Variants in ATF7IP2 observed in about 807,000 individuals in gnomAD.
The protein encoded by ATF7IP2 is activating transcription factor 7 interacting protein 2.
In ATF7IP2, 42 loss-of-function variants were observed where a neutral mutation model predicts 64.2. The ratio of observed to expected loss-of-function variants is 0.65; its 90% CI spans 0.51 to 0.85. ATF7IP2 has a LOEUF of 0.85. Ranked by LOEUF, ATF7IP2 falls within the 40% of genes least tolerant of loss-of-function variation. ATF7IP2 has a pLI of 0.00. For missense variants in ATF7IP2, 933 were observed against 784.2 expected, an observed-to-expected ratio of 1.19 and a Z score of -2.27; for synonymous variants, 308 against 272.8, an observed-to-expected ratio of 1.13 and a Z score of -1.27.
Position 10,440,375 on chromosome 16 carries a change from A to G in ATF7IP2, c.1107A>G (p.Ala369=), listed in dbSNP as rs952803435. The G allele has an allele frequency of 1.3e-6, 2 of 1,542,412 alleles. No individual in the cohort carries two copies. The highest frequency in any genetic ancestry group is 4.6e-5 in the Admixed American group (2 of 43,694). Residue 369 remains alanine (A), a synonymous_variant, in exon 8 of 14, where the codon GCA becomes GCG. Transcript: ENST00000562102. The stretch of plus-strand genomic sequence containing the variant: ...TCTTTTTCTTCTAGGCAAAAATAGC[A>G]AAACTTCAAAGACGTATTAAAACAG... The part of the protein sequence containing the change: ...GIADKLLAKI[A]KLQRRIKTVL...
intron 12 of ATF7IP2, among the ~76,000 whole-genome samples, chr16:10,474,829 A>G (rs1353718715): frequency 1.3e-5 from 2 of 152,250 alleles, no homozygotes; most frequent in African/African-American, 4.8e-5. Context: ...GGCTAGAACA[A>G]TGCAAGCCAA....
At chr16:10,436,854 G>T (rs1013301527) in intron 6 of ATF7IP2, among the ~76,000 whole-genome samples, 2 of 151,994 alleles carry the variant, frequency 1.3e-5, no homozygotes, top group Non-Finnish European at 2.9e-5. Flanking sequence ...GCTCATATCA[G>T]TGGGCATTGA....
chr16:10,421,865 T>G (rs1243725625), intron 3 of ATF7IP2, among the ~76,000 whole-genome samples: 1 of 152,214 alleles, frequency 6.6e-6, no homozygotes, highest in South Asian at 2.1e-4. Context: ...GGCTGCAGGT[T>G]GTTTACCGCA....
chr16:10,439,426 G>A lies in ATF7IP2; in HGVS notation c.1096-938G>A, dbSNP rs572963820. 2.2e-3 allele frequency among the ~76,000 whole-genome samples: 336 copies of A among 151,858 alleles called. 2 individuals are homozygous for A. The highest frequency in any genetic ancestry group is 7.8e-3 in the African/African-American group (322 of 41,426). On this transcript the variant is annotated intron_variant, in intron 7 of 13. Transcript: ENST00000562102. ...AATTTTTTGTATTTTTAGTAGAGAC[G>A]GGTTTCACTGTATTAGCGTTGATGG...
intron 6 of ATF7IP2, among the ~76,000 whole-genome samples, chr16:10,437,521 A>G (rs2048462772): frequency 6.6e-6 from 1 of 152,214 alleles, no homozygotes; most frequent in South Asian, 2.1e-4. Flanking sequence ...ATGTTCCTAT[A>G]AAAATCCTTT....
chr16:10,432,809 C>T lies in ATF7IP2; in HGVS notation c.836-716C>T, dbSNP rs1356134306. Among the ~76,000 whole-genome samples the T allele has an allele frequency of 2.0e-5, 3 of 152,186 alleles. No individual in the cohort carries two copies. The East Asian group carries it at 5.8e-4, about 29-fold the overall frequency. On this transcript the variant is annotated intron_variant, in intron 5 of 13. Coordinates refer to ENST00000562102, the MANE Select transcript of ATF7IP2 (RefSeq NM_001393719.1). ...AGGAGAATTGCTTGAACCTGGGGGG[C>T]GGAAGTTGCACTGAGCCAAGATCGT...
intron 7 of ATF7IP2, among the ~76,000 whole-genome samples, chr16:10,439,049 CAAAAA>C (rs755392953): frequency 9.8e-6 from 1 of 102,432 alleles, no homozygotes; most frequent in African/African-American, 3.8e-5. Flanking sequence ...GACTCCATCT[CAAAAA>C]AAAAAAAAAA....
chr16:10,431,097 G>T lies in ATF7IP2; in HGVS notation c.477G>T (p.Glu159Asp), dbSNP rs76697507. 1 of 1,614,046 alleles carries T rather than the reference G, an allele frequency of 6.2e-7. No homozygotes were observed. The highest frequency in any genetic ancestry group is 1.7e-5 in the Admixed American group (1 of 60,018). Residue 159 changes from glutamate (E) to aspartate (D), a missense_variant, in exon 5 of 14, where the codon GAG becomes GAT. Physicochemically the swap from Glu to Asp is conservative, Grantham distance 45 (BLOSUM62 2). Transcript: ENST00000562102. ...TNVTRSLFEH[E>D]GACSLKSSCC... ...TAACAAGATCCCTTTTTGAGCATGA[G>T]GGGGCTTGTAGTCTAAAGTCCAGTT...
chr16:10,482,322 G>A lies in ATF7IP2; in HGVS notation c.*73G>A. ...TTGCAATGTTACTGTAATACTATTT[G>A]CCATTGTAAAAGGCCAGCTCAGATT... On this transcript the variant is annotated 3_prime_UTR_variant, in exon 14 of 14. Transcript: ENST00000562102. The A allele has an allele frequency of 8.1e-7, 1 of 1,231,438 alleles. No individual in the cohort carries two copies. The highest frequency in any genetic ancestry group is 1.5e-5 in the South Asian group (1 of 65,788). The allele number at this position is 1,231,438 out of a possible 1,614,324, so 76.3% of individuals were successfully genotyped here.
chr16:10,442,188 G>C (rs1026216896), intron 8 of ATF7IP2, among the ~76,000 whole-genome samples: 1 of 152,340 alleles, frequency 6.6e-6, no homozygotes, highest in East Asian at 1.9e-4. Flanking sequence ...AGGCATGCCT[G>C]GGTGTGTAAA....
At chr16:10,441,837 G>A (rs1415764113) in intron 8 of ATF7IP2, among the ~76,000 whole-genome samples, 1 of 152,148 alleles carries the variant, frequency 6.6e-6, no homozygotes, top group Non-Finnish European at 1.5e-5. Flanking sequence ...TGTCCTGTAT[G>A]TTATTGCCTA....
intron 9 of ATF7IP2, among the ~76,000 whole-genome samples, chr16:10,467,308 T>A (rs1026570765): frequency 6.6e-6 from 1 of 152,214 alleles, no homozygotes; most frequent in Admixed American, 6.5e-5. Context: ...TCTGCTCAGT[T>A]TCTTATACTC....
At chr16:10,455,229 T>A (rs1397860539) in intron 8 of ATF7IP2, among the ~76,000 whole-genome samples, 1 of 152,192 alleles carries the variant, frequency 6.6e-6, no homozygotes, top group Non-Finnish European at 1.5e-5. Flanking sequence ...AGATGATGGG[T>A]AGTTAATCCT....
intron 8 of ATF7IP2, among the ~76,000 whole-genome samples, chr16:10,441,109 C>T (rs771489230): frequency 6.6e-6 from 1 of 152,232 alleles, no homozygotes; most frequent in African/African-American, 2.4e-5. Context: ...CATAGTATTC[C>T]ATGGTGTATA....
rs532409624 is a variant in ATF7IP2, at chr16:10,445,009, G to A, written c.1194+4547G>A. On this transcript the variant is annotated intron_variant, in intron 8 of 13. Coordinates refer to ENST00000562102, the MANE Select transcript of ATF7IP2 (RefSeq NM_001393719.1). ...CTGTGTAATCAGTTTGGACACTATG[G>A]AATGGTCTTAGTCCTGGACGTCTTC... Among the ~76,000 whole-genome samples, 46 of 152,262 alleles carry A rather than the reference G, an allele frequency of 3.0e-4. 1 individual carries two copies. Among genetic ancestry groups the A allele is most frequent in the African/African-American group, 1.0e-3 (42 of 41,530 alleles).
chr16:10,437,453 C>T (rs2047924), intron 6 of ATF7IP2, among the ~76,000 whole-genome samples: 118,744 of 152,196 alleles, frequency 0.78, 46,918 homozygotes, highest in African/African-American at 0.91. Context: ...TACATATTTA[C>T]TTCTTTCATA....
intron 8 of ATF7IP2, among the ~76,000 whole-genome samples, chr16:10,441,675 T>A (rs1394144562): frequency 5.9e-5 from 9 of 152,212 alleles, no homozygotes; most frequent in Admixed American, 5.9e-4. Flanking sequence ...TTGCAAAAAT[T>A]TTCTCCCATT....
chr16:10,451,439 C>T (rs1175924276), intron 8 of ATF7IP2, among the ~76,000 whole-genome samples: 1 of 152,168 alleles, frequency 6.6e-6, no homozygotes, highest in Non-Finnish European at 1.5e-5. Context: ...CTCCCTGTCA[C>T]TTTCGGGTAC....
Position 10,483,498 on chromosome 16 carries a change from C to CTGTT in ATF7IP2, c.*1252_*1255dup, listed in dbSNP as rs1304127239. The CTGTT allele has an allele frequency of 1.3e-5, 2 of 152,148 alleles. No homozygotes were observed. Among genetic ancestry groups the CTGTT allele is most frequent in the African/African-American group, 4.8e-5 (2 of 41,428 alleles). 9.4% of individuals were successfully genotyped at this position (152,148 alleles called of 1,614,324 possible). A position where few individuals can be genotyped will look rare whatever the true frequency, so the allele number is the denominator to read the frequency against. The stretch of plus-strand genomic sequence containing the variant: ...TGATAAGAAACAAAAATAATCCCAA[C>CTGTT]TGTTTGAAAGTTCGAAAGAGGGGCA... On this transcript the variant is annotated 3_prime_UTR_variant, in exon 14 of 14. Coordinates refer to ENST00000562102, the MANE Select transcript of ATF7IP2 (RefSeq NM_001393719.1).
Sources: gnomAD v4.1 joint callset for allele counts (sites outside exome capture counted in the v4.1 genomes callset) on GRCh38, gnomAD v4.1.1 for gene constraint, MANE v1.5 for transcripts, NCBI Gene and HGNC (gene_info 2026-07-23, HGNC 2026-07-21) for gene names.